The following CCNL1 variants were observed in gnomAD, a reference collection of about 807,000 sequenced individuals.
CCNL1 encodes the protein cyclin L1.
CCNL1 carries 13 observed loss-of-function variants against 60.6 expected under a neutral mutation model. The ratio of observed to expected loss-of-function variants is 0.21; its 90% CI spans 0.14 to 0.34. The LOEUF (loss-of-function observed/expected upper bound fraction) is 0.34, where lower values mean the gene tolerates loss of function less well. Among genes scored for constraint, CCNL1 ranks in the 10% least tolerant of loss-of-function variants. CCNL1 has a pLI of 1.00. For synonymous variants in CCNL1, 270 were observed against 244.3 expected (o/e 1.10, Z -0.98); for missense variants, 481 against 664.3 (o/e 0.72, Z 3.03).
intron 2 of CCNL1, 188 bp downstream of exon 2, chr3:157,159,217 A>C (rs1344404991): frequency 6.2e-6 from 4 of 649,266 alleles, no homozygotes; most frequent in Admixed American, 2.9e-5. Flanking sequence ...TTTCGTTAAG[A>C]GGGCACTTAG....
At chr3:157,151,095 G>C (rs1276079748) in intron 5 of CCNL1, 2 of 984,428 alleles carry the variant, frequency 2.0e-6, no homozygotes, top group Non-Finnish European at 2.4e-6. Context: ...AAATTAAATG[G>C]ACTATTTCTT....
intron 8 of CCNL1, 63 bp downstream of exon 8, chr3:157,149,773 A>AGC: frequency 1.9e-6 from 3 of 1,564,488 alleles, no homozygotes; most frequent in Non-Finnish European, 2.6e-6. Flanking sequence ...CAAATGTAAA[A>AGC]GCTCTCTAAT....
chr3:157,145,437 C>CAAAAAAAAAAAAAAAAA (rs56894231), downstream of CCNL1, among the ~76,000 whole-genome samples: 107 of 24,266 alleles, frequency 4.4e-3, 18 homozygotes, highest in East Asian at 0.012. Context: ...GACTTCATCT[C>CAAAAAAAAAAAAAAAAA]AAAAAAAAAA....
rs567632471 is a variant in CCNL1, at chr3:157,159,983, C to CCGTCGTGGTCGT, written c.100_111dup (p.Thr34_Thr37dup). 1.1e-5 allele frequency: 17 copies of CCGTCGTGGTCGT among 1,585,902 alleles called. No individual in the cohort carries two copies. Among genetic ancestry groups the CCGTCGTGGTCGT allele is most frequent in the East Asian group, 2.3e-5 (1 of 43,280 alleles). ...AGGCGATCGCCGATCAGGATCCCTC[C>CCGTCGTGGTCGT]CGTCGTGGTCGTCGTCGTGGTCGTC... On this transcript the variant is annotated inframe_insertion, in exon 1 of 11. Transcript: ENST00000295926.
chr3:157,159,261 T>C, intron 2 of CCNL1, 144 bp downstream of exon 2: 2 of 737,854 alleles, frequency 2.7e-6, no homozygotes, highest in Admixed American at 5.4e-5. Context: ...ATTCTAAAGG[T>C]TTCCACTTCC....
At chr3:157,145,451 A>AAAAC (rs1560192211), downstream of CCNL1, among the ~76,000 whole-genome samples, 1 of 148,738 alleles carries the variant, frequency 6.7e-6, no homozygotes, top group East Asian at 1.9e-4. Flanking sequence ...AAAAAAAAAA[A>AAAAC]AAAAAAAAAA....
intron 5 of CCNL1, 28 bp downstream of exon 5, chr3:157,152,149 A>G (rs1174349411): frequency 1.9e-6 from 3 of 1,604,262 alleles, no homozygotes; most frequent in East Asian, 2.2e-5. Flanking sequence ...TTTCCTGGCT[A>G]GGAAAGAAAT....
intron 3 of CCNL1, among the ~76,000 whole-genome samples, chr3:157,154,872 C>T (rs1173287203): frequency 2.0e-5 from 3 of 151,980 alleles, no homozygotes; most frequent in Non-Finnish European, 4.4e-5. Flanking sequence ...CTACAAATTG[C>T]TCTTTGGAAA....
Position 157,152,225 on chromosome 3 carries a change from A to G in CCNL1, c.626T>C (p.Leu209Ser). ...ATTACGTTCACATTCTAAGACTTGT[A>G]AATACATAACAATGATCTGAAGGAC... The part of the protein sequence containing the change: ...KHPHKIIVMY[L>S]QVLECERNQT... Residue 209 changes from leucine (L) to serine (S), a missense_variant, in exon 5 of 11, where the codon TTA becomes TCA. By Grantham distance (145) the Leu-to-Ser change is moderately radical (BLOSUM62 -2). This residue lies in a region of CCNL1 where 14 missense variants were observed against 68.8 expected (regional missense o/e 0.20). Transcript: ENST00000295926. The G allele has an allele frequency of 6.2e-7, 1 of 1,612,160 alleles. No individual in the cohort carries two copies. The highest frequency in any genetic ancestry group is 8.5e-7 in the Non-Finnish European group (1 of 1,179,312).
intron 4 of CCNL1, chr3:157,152,804 TTC>T: frequency 8.0e-7 from 1 of 1,249,990 alleles, no homozygotes; most frequent in Non-Finnish European, 1.0e-6. Flanking sequence ...CAAAAATAAC[TTC>T]TCTATGAGCA....
chr3:157,155,225 CAT>C (rs1317003262), intron 3 of CCNL1, among the ~76,000 whole-genome samples: 9 of 152,104 alleles, frequency 5.9e-5, no homozygotes. Flanking sequence ...TTTATGAAAA[CAT>C]AGTTGTCTCA....
rs1230091406 is a variant in CCNL1 at position 157,150,123 on chromosome 3, G to A, written c.821C>T (p.Thr274Ile). ...RPHWFLLFGTTEEEIQEICIE... is the reference protein window; with the variant it reads ...RPHWFLLFGTIEEEIQEICIE... ...GCAGATTTCCTGGATTTCCTCTTCTGTAGTACCAAAAAGAAGAAACCAATG... is the reference window on the plus strand; with the variant it reads ...GCAGATTTCCTGGATTTCCTCTTCTATAGTACCAAAAAGAAGAAACCAATG... Residue 274 changes from threonine (T) to isoleucine (I), a missense_variant, in exon 7 of 11, where the codon ACA becomes ATA. Physicochemically the swap from Thr to Ile is moderately conservative, Grantham distance 89. Around this residue, in one of 5 missense-constraint regions of CCNL1, gnomAD observed 75 missense variants for 129.6 expected, o/e 0.58. Coordinates refer to ENST00000295926, the MANE Select transcript of CCNL1 (RefSeq NM_020307.4). 6.2e-7 allele frequency: 1 copy of A among 1,613,092 alleles called. No individual in the cohort carries two copies. Among genetic ancestry groups the A allele is most frequent in the Non-Finnish European group, 8.5e-7 (1 of 1,179,764 alleles).
Position 157,153,152 on chromosome 3 carries a change from G to C in CCNL1, c.493C>G (p.Pro165Ala). 1 of 1,605,126 alleles carries C rather than the reference G, an allele frequency of 6.2e-7. No individual in the cohort carries two copies. Residue 165 changes from proline to alanine, a missense_variant, in exon 4 of 11, where the codon CCA (proline) becomes GCA (alanine). Transcript: ENST00000295926. ...HLRQLRGKRTPSPLILDQNYI... is the reference protein window; with the variant it reads ...HLRQLRGKRTASPLILDQNYI... Reference sequence around the variant, plus strand: ...TTCTGATCAAGGATCAGGGGGCTTGGAGTCCTATAGTTTGTAAGAAATAAA... The same window carrying C: ...TTCTGATCAAGGATCAGGGGGCTTGCAGTCCTATAGTTTGTAAGAAATAAA...
intron 4 of CCNL1, chr3:157,152,570 C>A: frequency 1.8e-6 from 2 of 1,081,800 alleles, no homozygotes; most frequent in South Asian, 2.9e-5. Context: ...GTAGTCCTGA[C>A]CCGGGTAACT....
At chr3:157,159,541 G>A (rs1577082173) in intron 1 of CCNL1, 62 bp from the exon 2 acceptor site, 3 of 1,440,770 alleles carry the variant, frequency 2.1e-6, no homozygotes, top group African/African-American at 1.4e-5. Context: ...AGGCGCCGCC[G>A]CCATTTTGTG....
rs763612660 is a variant in CCNL1, at chr3:157,148,430, A to C, written c.1392T>G (p.Gly464=). The C allele has an allele frequency of 4.3e-6, 7 of 1,614,022 alleles. No homozygotes were observed. In the Admixed American group the frequency reaches 1.0e-4, roughly 23 times the overall value. ...RDDLKSSNRH[G]HKRKKSRSRS... is the part of the protein sequence containing the mutation. ...GAGAACGAGATTTTTTCCTTTTATG[A>C]CCATGTCTGTTTGAACTTTTTAAAT... Residue 464 remains glycine, a synonymous_variant, in exon 11 of 11, where the codon GGT becomes GGG. Coordinates refer to ENST00000295926, the MANE Select transcript of CCNL1 (RefSeq NM_020307.4).
downstream of CCNL1, chr3:157,147,533 C>A: frequency 3.1e-6 from 3 of 962,310 alleles, no homozygotes; most frequent in Non-Finnish European, 3.7e-6. Flanking sequence ...CCTTATGACA[C>A]CATTCAAAAG....
At position 157,149,899 on chromosome 3, in the gene CCNL1, A is replaced by T; in HGVS notation, c.958T>A (p.Leu320Met). 6.2e-7 allele frequency: 1 copy of T among 1,614,124 alleles called. No individual in the cohort carries two copies. Among genetic ancestry groups the T allele is most frequent in the Non-Finnish European group, 8.5e-7 (1 of 1,180,012 alleles). Reference protein sequence around the residue: ...LQEAKLKAKGLNPDGTPALST... With the variant: ...LQEAKLKAKGMNPDGTPALST... Reference sequence around the variant, plus strand: ...AGGGCTGGAGTTCCATCCGGATTCAATCCCTTTGCTTTTAATTTGGCTTCT... The same window carrying T: ...AGGGCTGGAGTTCCATCCGGATTCATTCCCTTTGCTTTTAATTTGGCTTCT... Residue 320 changes from leucine (L) to methionine (M), a missense_variant, in exon 8 of 11, where the codon TTG becomes ATG. Leu to Met is a conservative substitution (Grantham distance 15). Coordinates refer to ENST00000295926, the MANE Select transcript of CCNL1 (RefSeq NM_020307.4).
downstream of CCNL1, among the ~76,000 whole-genome samples, chr3:157,146,071 G>A (rs574249120): frequency 1.7e-4 from 26 of 152,132 alleles, no homozygotes; most frequent in Admixed American, 1.1e-3. Flanking sequence ...GAGACACTTG[G>A]GAACAAACTT....
Sources: gnomAD v4.1 joint callset for allele counts (sites outside exome capture counted in the v4.1 genomes callset) on GRCh38, gnomAD v4.1.1 for gene constraint, gnomAD v4.1.1 regional missense constraint, MANE v1.5 for transcripts, NCBI Gene and HGNC (gene_info 2026-07-23, HGNC 2026-07-21) for gene names.